Variants in RGS6 observed in about 807,000 individuals in gnomAD.
The protein encoded by RGS6 is regulator of G-protein signaling 6.
RGS6 carries 30 observed loss-of-function variants against 78.5 expected under a neutral mutation model. That is an observed-to-expected ratio of 0.38 (90% confidence interval 0.29 to 0.52). RGS6 has a LOEUF of 0.52. Among genes scored for constraint, RGS6 ranks in the 20% least tolerant of loss-of-function variants. The probability of loss-of-function intolerance (pLI) is 0.85; values close to 1 mark genes in which losing one functional copy is unlikely to be tolerated. For missense variants in RGS6, 495 were observed against 609.7 expected, an observed-to-expected ratio of 0.81 and a Z score of 1.98; for synonymous variants, 206 against 206.0, an observed-to-expected ratio of 1.00 and a Z score of 0.00.
At chr14:71,874,346 G>C in the RGS6 span, among the ~76,000 whole-genome samples, 2 of 152,010 alleles carry the variant, frequency 1.3e-5, no homozygotes, top group African/African-American at 4.8e-5. Context: ...TCTCCTTGAA[G>C]AGGTCCTTCA....
At chr14:72,284,376 G>A (rs2062122820) in intron 2 of RGS6, among the ~76,000 whole-genome samples, 1 of 152,094 alleles carries the variant, frequency 6.6e-6, no homozygotes, top group Non-Finnish European at 1.5e-5. Context: ...CACCTGCTAT[G>A]TGCAGCTTAG....
chr14:72,514,681 A>G (rs1567027764), intron 14 of RGS6, among the ~76,000 whole-genome samples: 1 of 152,194 alleles, frequency 6.6e-6, no homozygotes, highest in East Asian at 1.9e-4. Flanking sequence ...GCAGGTCAGG[A>G]CAGGTGGTCT....
At chr14:72,137,422 A>G (rs528531281) in intron 2 of RGS6, among the ~76,000 whole-genome samples, 3 of 152,324 alleles carry the variant, frequency 2.0e-5, no homozygotes, top group East Asian at 3.9e-4. Context: ...CTACCTGGAG[A>G]TAGCCTCAGA....
At chr14:72,621,678 G>T in the RGS6 span, among the ~76,000 whole-genome samples, 440 of 152,292 alleles carry the variant, frequency 2.9e-3, 1 homozygote, top group African/African-American at 9.7e-3. Flanking sequence ...AGAGGCCCGG[G>T]GACCAGTTAG....
intron 2 of RGS6, among the ~76,000 whole-genome samples, chr14:72,210,169 TTGGCCCG>T (rs539641852): frequency 6.6e-6 from 1 of 152,204 alleles, no homozygotes; most frequent in Non-Finnish European, 1.5e-5. Flanking sequence ...AAAAACTTGG[TTGGCCCG>T]TGTGGGTTGA....
At chr14:72,301,275 A>G (rs1279129175) in intron 2 of RGS6, among the ~76,000 whole-genome samples, 1 of 152,208 alleles carries the variant, frequency 6.6e-6, no homozygotes, top group Non-Finnish European at 1.5e-5. Flanking sequence ...TCATGTACTC[A>G]GATTGATGGG....
chr14:71,968,300 G>T (rs887532262), intron 2 of RGS6, among the ~76,000 whole-genome samples: 1 of 152,136 alleles, frequency 6.6e-6, no homozygotes, highest in Non-Finnish European at 1.5e-5. Flanking sequence ...TGGGTCCTAG[G>T]AATCTGAGTT....
intron 2 of RGS6, among the ~76,000 whole-genome samples, chr14:72,105,260 A>C (rs114023106): frequency 0.047 from 7,151 of 152,254 alleles, 207 homozygotes; most frequent in Admixed American, 0.094. Flanking sequence ...AATAAATCAA[A>C]TCTTTCCATT....
At chr14:72,152,936 T>A (rs1322803390) in intron 2 of RGS6, among the ~76,000 whole-genome samples, 3 of 152,144 alleles carry the variant, frequency 2.0e-5, no homozygotes, top group Non-Finnish European at 4.4e-5. Context: ...CAGAGCCAGA[T>A]TCCTGCTAGT....
chr14:72,156,800 C>T (rs981859444), intron 2 of RGS6, among the ~76,000 whole-genome samples: 2 of 152,192 alleles, frequency 1.3e-5, no homozygotes, highest in African/African-American at 4.8e-5. Flanking sequence ...GATTGGCGTG[C>T]CCACACTGGG....
At chr14:72,241,117 A>C (rs1412828162) in intron 2 of RGS6, among the ~76,000 whole-genome samples, 2 of 148,462 alleles carry the variant, frequency 1.3e-5, no homozygotes, top group African/African-American at 2.5e-5. Context: ...AGATCATGCC[A>C]CTGCATTCCA....
chr14:72,273,207 A>G (rs2060206815), intron 2 of RGS6, among the ~76,000 whole-genome samples: 1 of 152,188 alleles, frequency 6.6e-6, no homozygotes, highest in African/African-American at 2.4e-5. Flanking sequence ...AGCATTCCAC[A>G]GTGACTTGAG....
chr14:72,391,046 A>C (rs555357705), intron 3 of RGS6, among the ~76,000 whole-genome samples: 1 of 152,310 alleles, frequency 6.6e-6, no homozygotes, highest in East Asian at 1.9e-4. Flanking sequence ...GTGAAACTCA[A>C]ATATACTTAG....
At chr14:72,364,438 C>G (rs1272394154) in intron 3 of RGS6, among the ~76,000 whole-genome samples, 1 of 152,208 alleles carries the variant, frequency 6.6e-6, no homozygotes, top group Non-Finnish European at 1.5e-5. Context: ...GCCCACACTT[C>G]AGCCTTTCCA....
intron 14 of RGS6, among the ~76,000 whole-genome samples, chr14:72,513,370 T>A (rs2096901948): frequency 6.6e-6 from 1 of 152,072 alleles, no homozygotes; most frequent in South Asian, 2.1e-4. Flanking sequence ...TCTGGGTGGG[T>A]CTGTGAGATG....
At chr14:71,919,640 C>T in the RGS6 span, among the ~76,000 whole-genome samples, 1 of 152,166 alleles carries the variant, frequency 6.6e-6, no homozygotes, top group Non-Finnish European at 1.5e-5. Context: ...ATATATGCAG[C>T]TTCAACTATA....
intron 2 of RGS6, among the ~76,000 whole-genome samples, chr14:72,226,983 A>G (rs1046405378): frequency 6.6e-6 from 1 of 152,160 alleles, no homozygotes; most frequent in East Asian, 1.9e-4. Context: ...CACTGTACCC[A>G]TGCATGCTGT....
the RGS6 span, among the ~76,000 whole-genome samples, chr14:72,584,697 G>A: frequency 6.6e-6 from 1 of 152,202 alleles, no homozygotes. Context: ...ACCTGCAGCT[G>A]AGAGAGACTG....
intron 2 of RGS6, among the ~76,000 whole-genome samples, chr14:72,242,839 C>CTTTTTTTTTT (rs35675211): frequency 6.1e-4 from 42 of 69,128 alleles, no homozygotes; most frequent in African/African-American, 1.0e-3. Context: ...CATTTCTTTT[C>CTTTTTTTTTT]TTTTTTTTTT....
Sources: allele counts gnomAD v4.1 joint callset (sites outside exome capture counted in the v4.1 genomes callset), GRCh38; gene constraint gnomAD v4.1.1; transcripts MANE v1.5; gene names NCBI Gene and HGNC (gene_info 2026-07-23, HGNC 2026-07-21).